Variants in MRPL46 observed in about 807,000 individuals in gnomAD.
MRPL46 encodes the protein large ribosomal subunit protein mL46.
A neutral mutation model predicts 31.0 loss-of-function variants in MRPL46; 26 were observed. The ratio of observed to expected loss-of-function variants is 0.84; its 90% CI spans 0.61 to 1.16. The LOEUF is 1.16. MRPL46 is among the 50% of genes most tolerant of loss of function. MRPL46 has a pLI of 0.00. For missense variants in MRPL46, 395 were observed against 340.0 expected (o/e 1.16, Z -1.27); for synonymous variants, 159 against 141.3 (o/e 1.13, Z -0.89).
chr15:88,459,486 G>T lies in MRPL46; in HGVS notation c.*127C>A. 7.1e-7 allele frequency: 1 copy of T among 1,406,706 alleles called. No individual in the cohort carries two copies. The highest frequency in any genetic ancestry group is 9.7e-7 in the Non-Finnish European group (1 of 1,030,574). The allele number at this position is 1,406,706 out of a possible 1,614,324, so 87.1% of individuals were successfully genotyped here. A position where few individuals can be genotyped will look rare whatever the true frequency, so the allele number is the denominator to read the frequency against. ...ATCAGCTGAGACCAACACAGTAATA[G>T]ACTCGTTTATTTCTCAGAATTTAGT... On this transcript the variant is annotated 3_prime_UTR_variant, in exon 4 of 4. Coordinates refer to ENST00000312475, the MANE Select transcript of MRPL46 (RefSeq NM_022163.4).
In MRPL46 at chr15:88,465,733, C is replaced by T. The variant is rs199889183; in HGVS notation, c.269G>A (p.Arg90His). The T allele has an allele frequency of 1.4e-5, 22 of 1,612,976 alleles. No individual in the cohort carries two copies. Among genetic ancestry groups the T allele is most frequent in the African/African-American group, 1.3e-4 (10 of 74,840 alleles). Residue 90 changes from arginine (R) to histidine (H), a missense_variant, in exon 2 of 4, where the codon CGT (arginine) becomes CAT (histidine). Physicochemically the swap from Arg to His is conservative, Grantham distance 29. Transcript: ENST00000312475. ...CAGTCGCTGGTTTTCATCCAGAGCA[C>T]GAAGCTCGTGGTCTGAATACAGGCT... Reference protein sequence around the residue: ...ERSLYSDHELRALDENQRLAK... With the variant: ...ERSLYSDHELHALDENQRLAK...
chr15:88,460,075 C>T, intron 3 of MRPL46: 1 of 593,436 alleles, frequency 1.7e-6, no homozygotes, highest in Non-Finnish European at 2.9e-6. Flanking sequence ...TCACCAGGCT[C>T]ACTCCCATGT....
At chr15:88,464,531 A>AT (rs940785807) in intron 3 of MRPL46, 172 bp downstream of exon 3, 1 of 665,964 alleles carries the variant, frequency 1.5e-6, no homozygotes, top group Non-Finnish European at 2.4e-6. Flanking sequence ...AAATAAAAAA[A>AT]AAATAAAAAA....
At chr15:88,462,221 T>C (rs553846489) in intron 3 of MRPL46, 2 of 151,984 alleles carry the variant, frequency 1.3e-5, no homozygotes, top group South Asian at 2.1e-4. Flanking sequence ...TCACATAAAG[T>C]AAAAAACGTT....
At position 88,464,731 on chromosome 15, in the gene MRPL46, T is replaced by C. The variant is rs774518008; in HGVS notation, c.561A>G (p.Thr187=). 1 of 1,613,806 alleles carries C rather than the reference T, an allele frequency of 6.2e-7. No homozygotes were observed. Among genetic ancestry groups the C allele is most frequent in the Non-Finnish European group, 8.5e-7 (1 of 1,179,898 alleles). ...EWQPGETLRG[T]AERTLATLSE... ...AGAGTGTGGCCAGGGTTCGTTCAGC[T>C]GTTCCTCGAAGGGTCTCCCCAGGCT... is the stretch of plus-strand genomic sequence containing the variant. Residue 187 remains threonine (T), a synonymous_variant, in exon 3 of 4, where the codon ACA becomes ACG. Coordinates refer to ENST00000312475, the MANE Select transcript of MRPL46 (RefSeq NM_022163.4).
In MRPL46 at chr15:88,465,618, A is replaced by G; in HGVS notation, c.384T>C (p.Phe128=). ...TGCGAGCTCCAAGTTTGAACTGTAG[A>G]AATTTCTGCTCCCACATATCTTCCA... ...QDLEDMWEQK[F]LQFKLGARIT... The change falls in exon 2 of 4, where the codon TTT becomes TTC. Residue 128 remains phenylalanine (F), a synonymous_variant. Coordinates refer to ENST00000312475, the MANE Select transcript of MRPL46 (RefSeq NM_022163.4). 3.1e-6 allele frequency: 5 copies of G among 1,612,026 alleles called. No homozygotes were observed. Among genetic ancestry groups the G allele is most frequent in the Non-Finnish European group, 4.2e-6 (5 of 1,179,438 alleles).
At chr15:88,466,950 A>G (rs974532341) in intron 1 of MRPL46, among the ~76,000 whole-genome samples, 200 bp downstream of exon 1, 1 of 152,228 alleles carries the variant, frequency 6.6e-6, no homozygotes, top group Non-Finnish European at 1.5e-5. Flanking sequence ...GAGTATCTCC[A>G]AAGAGTTGTC....
At position 88,465,644 on chromosome 15, in the gene MRPL46, A is replaced by G. The variant is rs2055518438; in HGVS notation, c.358T>C (p.Leu120=). Residue 120 remains leucine (L), a synonymous_variant, in exon 2 of 4, where the codon TTG becomes CTG. Coordinates refer to ENST00000312475, the MANE Select transcript of MRPL46 (RefSeq NM_022163.4). ...DEQDILLAQD[L]EDMWEQKFLQ... The stretch of plus-strand genomic sequence containing the variant: ...AATTTCTGCTCCCACATATCTTCCA[A>G]ATCTTGCGCCAGCAATATATCCTGT... 5.0e-6 allele frequency: 8 copies of G among 1,612,984 alleles called. No homozygotes were observed. The highest frequency in any genetic ancestry group is 6.8e-6 in the Non-Finnish European group (8 of 1,179,836).
rs1319935694 is a variant in MRPL46 at position 88,463,908 on chromosome 15, G to A, written c.589+795C>T. On this transcript the variant is annotated intron_variant, in intron 3 of 3. Coordinates refer to ENST00000312475, the MANE Select transcript of MRPL46 (RefSeq NM_022163.4). This position sits in a 1 kb window ranked among gnomAD's most constrained non-coding sequence, Gnocchi z 5.4. ...AAACCTTTTAAGAATTCCATGCAGA[G>A]AAGTGACAAGGGATGTGTGTTTCAG... is the stretch of plus-strand genomic sequence containing the variant. 2 of 152,208 alleles carry A rather than the reference G, an allele frequency of 1.3e-5. No homozygotes were observed. The highest frequency in any genetic ancestry group is 2.9e-5 in the Non-Finnish European group (2 of 68,046). 9.4% of individuals were successfully genotyped at this position (152,208 alleles called of 1,614,324 possible).
Position 88,459,507 on chromosome 15 carries a change from T to C in MRPL46, c.*106A>G, listed in dbSNP as rs1201908532. 5 of 1,509,052 alleles carry C rather than the reference T, an allele frequency of 3.3e-6. No individual in the cohort carries two copies. Among genetic ancestry groups the C allele is most frequent in the Non-Finnish European group, 3.6e-6 (4 of 1,110,978 alleles). 93.5% of individuals were successfully genotyped at this position (1,509,052 alleles called of 1,614,324 possible). A position where few individuals can be genotyped will look rare whatever the true frequency, so the allele number is the denominator to read the frequency against. ...AATAGACTCGTTTATTTCTCAGAAT[T>C]TAGTTTGCTGCTTGATATTACCTGC... On this transcript the variant is annotated 3_prime_UTR_variant, in exon 4 of 4. Coordinates refer to ENST00000312475, the MANE Select transcript of MRPL46 (RefSeq NM_022163.4).
At chr15:88,461,335 T>C (rs1016955603) in intron 3 of MRPL46, 6 of 152,086 alleles carry the variant, frequency 3.9e-5, no homozygotes, top group African/African-American at 1.4e-4. Context: ...GAGTACTGCT[T>C]GAGAATAGGA....
At chr15:88,465,024 C>G in intron 2 of MRPL46, 148 bp from the exon 3 acceptor site, 2 of 755,714 alleles carry the variant, frequency 2.6e-6, no homozygotes, top group Non-Finnish European at 4.0e-6. Flanking sequence ...CTCTCTAACT[C>G]TGACCTCTTC....
At position 88,464,486 on chromosome 15, in the gene MRPL46, G is replaced by A; in HGVS notation, c.589+217C>T. 3 of 510,264 alleles carry A rather than the reference G, an allele frequency of 5.9e-6. No homozygotes were observed. In the East Asian group the frequency reaches 1.1e-4, roughly 19 times the overall value. 31.6% of individuals were successfully genotyped at this position (510,264 alleles called of 1,614,324 possible). ...GAATGTACTAAATTTTAAAATCTCAGTGGAACAAAGGATTCTCACCTGGTC... is the reference window on the plus strand; with the variant it reads ...GAATGTACTAAATTTTAAAATCTCAATGGAACAAAGGATTCTCACCTGGTC... On this transcript the variant is annotated intron_variant, in intron 3 of 3. Transcript: ENST00000312475.
intron 3 of MRPL46, chr15:88,461,157 T>C (rs1361341459): frequency 6.6e-6 from 1 of 152,200 alleles, no homozygotes; most frequent in African/African-American, 2.4e-5. Flanking sequence ...AGATTTATAT[T>C]TGTCTACATA....
At chr15:88,464,084 A>C (rs939262915) in intron 3 of MRPL46, 1 of 152,388 alleles carries the variant, frequency 6.6e-6, no homozygotes, top group Non-Finnish European at 1.5e-5. Context: ...ATTTTTGGTT[A>C]CTGCACTGGG....
At chr15:88,459,934 A>G in intron 3 of MRPL46, 71 bp from the exon 4 acceptor site, 2 of 1,568,858 alleles carry the variant, frequency 1.3e-6, no homozygotes, top group Non-Finnish European at 1.7e-6. Context: ...CTGGCTCCCA[A>G]AATTATAGGG....
intron 2 of MRPL46, 189 bp from the exon 3 acceptor site, chr15:88,465,065 T>A: frequency 1.9e-6 from 1 of 530,264 alleles, no homozygotes; most frequent in Non-Finnish European, 3.1e-6. Flanking sequence ...TTGAGGAAAC[T>A]AAAAGGTAAG....
At chr15:88,466,250 G>C (rs970594193) in intron 1 of MRPL46, among the ~76,000 whole-genome samples, 1 of 152,200 alleles carries the variant, frequency 6.6e-6, no homozygotes, top group Non-Finnish European at 1.5e-5. Context: ...TTCTCATAAA[G>C]AGAAAAACCT....
intron 3 of MRPL46, chr15:88,464,349 G>C: frequency 3.8e-6 from 1 of 262,220 alleles, no homozygotes; most frequent in South Asian, 4.0e-5. Flanking sequence ...ATGAGGTCAA[G>C]GACAATTCTG....
Sources: allele counts gnomAD v4.1 joint callset (sites outside exome capture counted in the v4.1 genomes callset), GRCh38; gene constraint gnomAD v4.1.1; non-coding constraint Gnocchi (gnomAD v3.1); transcripts MANE v1.5; gene names NCBI Gene and HGNC (gene_info 2026-07-23, HGNC 2026-07-21).